Variants in WDTC1 observed in about 807,000 individuals in gnomAD.
WDTC1 encodes the protein WD and tetratricopeptide repeats protein 1.
Under a neutral mutation model 76.0 loss-of-function variants are expected in WDTC1, and 12 were observed. That is an observed-to-expected ratio of 0.16 (90% confidence interval 0.10 to 0.26). The LOEUF (loss-of-function observed/expected upper bound fraction) is 0.26, where lower values mean the gene tolerates loss of function less well. Ranked by LOEUF, WDTC1 falls within the 10% of genes least tolerant of loss-of-function variation. The pLI is 1.00. For missense variants in WDTC1, 511 were observed against 908.8 expected, an observed-to-expected ratio of 0.56 and a Z score of 5.63; for synonymous variants, 326 against 350.8, an observed-to-expected ratio of 0.93 and a Z score of 0.79.
At chr1:27,271,207 A>G (rs2012859522) in intron 3 of WDTC1, among the ~76,000 whole-genome samples, 2 of 151,744 alleles carry the variant, frequency 1.3e-5, no homozygotes, top group African/African-American at 4.8e-5. Flanking sequence ...TGTAGTTTTT[A>G]CTTTTATTTA....
At chr1:27,302,052 A>G (rs2013843434) in intron 13 of WDTC1, among the ~76,000 whole-genome samples, 1 of 152,206 alleles carries the variant, frequency 6.6e-6, no homozygotes, top group Non-Finnish European at 1.5e-5. Context: ...GAACTGGGCC[A>G]TCGGAGTGTG....
intron 1 of WDTC1, among the ~76,000 whole-genome samples, chr1:27,247,787 C>T (rs1472920237): frequency 6.7e-6 from 1 of 150,228 alleles, no homozygotes; most frequent in Non-Finnish European, 1.5e-5. Flanking sequence ...GGCGTAGTCT[C>T]AGCTCACTAC....
intron 13 of WDTC1, among the ~76,000 whole-genome samples, chr1:27,302,472 C>T (rs998800360): frequency 2.0e-5 from 3 of 152,084 alleles, no homozygotes; most frequent in African/African-American, 7.2e-5. Flanking sequence ...CGGTGGCTCA[C>T]GCTTATAATC....
chr1:27,269,301 C>T (rs575099443), intron 3 of WDTC1, among the ~76,000 whole-genome samples: 86 of 149,052 alleles, frequency 5.8e-4, no homozygotes, highest in African/African-American at 2.1e-3. Flanking sequence ...ATGATCACAC[C>T]ACTGCACTCC....
At chr1:27,302,543 A>G (rs1259107088) in intron 13 of WDTC1, among the ~76,000 whole-genome samples, 1 of 151,954 alleles carries the variant, frequency 6.6e-6, no homozygotes, top group Admixed American at 6.6e-5. Context: ...AATATCAGCT[A>G]GGACAACATA....
chr1:27,243,439 C>A (rs542815491), intron 1 of WDTC1, among the ~76,000 whole-genome samples: 1 of 151,936 alleles, frequency 6.6e-6, no homozygotes, highest in Non-Finnish European at 1.5e-5. Context: ...TCTGGAACTC[C>A]TGACCTCAAG....
intron 5 of WDTC1, among the ~76,000 whole-genome samples, chr1:27,286,313 G>GT (rs34951095): frequency 0.019 from 2,556 of 132,124 alleles, 36 homozygotes; most frequent in Non-Finnish European, 0.024. Flanking sequence ...GGTTTTTTTT[G>GT]TTTTTTTTTT....
chr1:27,272,990 C>T (rs993782327), intron 3 of WDTC1, among the ~76,000 whole-genome samples: 3 of 152,042 alleles, frequency 2.0e-5, no homozygotes, highest in Non-Finnish European at 4.4e-5. Context: ...AATTTAGAAG[C>T]AGTAATACCA....
At chr1:27,302,333 G>T (rs980876394) in intron 13 of WDTC1, among the ~76,000 whole-genome samples, 6 of 151,998 alleles carry the variant, frequency 3.9e-5, no homozygotes, top group African/African-American at 1.5e-4. Flanking sequence ...GACCTGAATG[G>T]TGTGCATGCT....
At position 27,294,384 on chromosome 1, in the gene WDTC1, G is replaced by C; in HGVS notation, c.758-130G>C. On this transcript the variant is annotated intron_variant, in intron 8 of 15. Coordinates refer to ENST00000319394, the MANE Select transcript of WDTC1 (RefSeq NM_001276252.2). ...GCAACTAGCCCAGTGCATATAGTAAGGGCTCAACACTTGTAGCTGCTTTTA... is the reference window on the plus strand; with the variant it reads ...GCAACTAGCCCAGTGCATATAGTAACGGCTCAACACTTGTAGCTGCTTTTA... The C allele has an allele frequency of 3.7e-6, 3 of 820,590 alleles. No homozygotes were observed. In the South Asian group the frequency reaches 5.0e-5, roughly 14 times the overall value. The allele number at this position is 820,590 out of a possible 1,614,324, so 50.8% of individuals were successfully genotyped here.
At chr1:27,249,204 G>A (rs1190768513) in intron 1 of WDTC1, among the ~76,000 whole-genome samples, 1 of 151,770 alleles carries the variant, frequency 6.6e-6, no homozygotes, top group Non-Finnish European at 1.5e-5. Flanking sequence ...GAGAGGCAGA[G>A]GCTGTAGTGA....
rs2013959330 is a variant in WDTC1, at chr1:27,306,488, T to G, written c.*105T>G. 1 of 1,346,508 alleles carries G rather than the reference T, an allele frequency of 7.4e-7. No individual in the cohort carries two copies. The highest frequency in any genetic ancestry group is 9.9e-7 in the Non-Finnish European group (1 of 1,008,916). 83.4% of individuals were successfully genotyped at this position (1,346,508 alleles called of 1,614,324 possible). Reference sequence around the variant, plus strand: ...GTTTGTCTTCCCCACCACCCTTTTTTTTCATTTCCCCTGTTTTGTTTGTTA... The same window carrying G: ...GTTTGTCTTCCCCACCACCCTTTTTGTTCATTTCCCCTGTTTTGTTTGTTA... On this transcript the variant is annotated 3_prime_UTR_variant, in exon 16 of 16. Transcript: ENST00000319394. This position sits in a 1 kb window ranked among gnomAD's most constrained non-coding sequence, Gnocchi z 5.0.
At chr1:27,270,610 T>A (rs1027139863) in intron 3 of WDTC1, among the ~76,000 whole-genome samples, 1 of 152,164 alleles carries the variant, frequency 6.6e-6, no homozygotes, top group African/African-American at 2.4e-5. Flanking sequence ...CAACAATTGC[T>A]TGAGCCTGGG....
chr1:27,285,434 A>G (rs1162949564), intron 5 of WDTC1, among the ~76,000 whole-genome samples: 2 of 152,062 alleles, frequency 1.3e-5, no homozygotes, highest in Non-Finnish European at 2.9e-5. Flanking sequence ...CAGCTGTTTC[A>G]GTGTAGGACA....
chr1:27,304,890 C>G (rs1356480196), intron 14 of WDTC1, 111 bp from the exon 15 acceptor site: 13 of 1,110,524 alleles, frequency 1.2e-5, no homozygotes, highest in Non-Finnish European at 1.5e-5. Flanking sequence ...GTGTGGGGGA[C>G]TGAGTGGCTG....
intron 3 of WDTC1, among the ~76,000 whole-genome samples, chr1:27,269,906 G>A (rs1449577037): frequency 1.5e-4 from 17 of 116,504 alleles, no homozygotes; most frequent in South Asian, 3.4e-4. Context: ...CACCACGCCC[G>A]GCCTTTGTTG....
At chr1:27,235,401 TG>T (rs2147891595) in intron 1 of WDTC1, among the ~76,000 whole-genome samples, 1 of 111,080 alleles carries the variant, frequency 9.0e-6, no homozygotes, top group African/African-American at 3.7e-5. Flanking sequence ...TTTCTGTGTG[TG>T]TGTGTGTGTG....
intron 3 of WDTC1, among the ~76,000 whole-genome samples, chr1:27,269,621 G>GTCTTT (rs2012798039): frequency 5.5e-5 from 7 of 126,838 alleles, no homozygotes; most frequent in Admixed American, 9.4e-5. Context: ...TTTTTTTTCG[G>GTCTTT]TTTTTTTTTT....
intron 10 of WDTC1, 100 bp downstream of exon 10, chr1:27,296,501 C>A: frequency 7.7e-7 from 1 of 1,294,626 alleles, no homozygotes; most frequent in Non-Finnish European, 1.1e-6. Context: ...GGACCGTGAT[C>A]CTCCAAAAAT....
Sources: allele counts gnomAD v4.1 joint callset (sites outside exome capture counted in the v4.1 genomes callset), GRCh38; gene constraint gnomAD v4.1.1; non-coding constraint Gnocchi (gnomAD v3.1); transcripts MANE v1.5; gene names NCBI Gene and HGNC (gene_info 2026-07-23, HGNC 2026-07-21).